The following IMMP2L variants were observed in gnomAD, a reference collection of about 807,000 sequenced individuals.
The protein encoded by IMMP2L is inner mitochondrial membrane peptidase subunit 2.
Under a neutral mutation model 19.3 loss-of-function variants are expected in IMMP2L, and 18 were observed. The ratio of observed to expected loss-of-function variants is 0.93; its 90% CI spans 0.64 to 1.38. IMMP2L has a LOEUF of 1.38. Ranked by LOEUF, IMMP2L falls within the 40% of genes most tolerant of loss-of-function variation. IMMP2L has a pLI of 0.00. For missense variants in IMMP2L, 233 were observed against 218.2 expected (o/e 1.07, Z -0.43); for synonymous variants, 76 against 73.0 (o/e 1.04, Z -0.21).
intron 4 of IMMP2L, among the ~76,000 whole-genome samples, chr7:110,887,236 A>G (rs775376767): frequency 7.2e-5 from 11 of 152,160 alleles, no homozygotes; most frequent in Non-Finnish European, 1.0e-4. Flanking sequence ...AACTATCAGT[A>G]TCAGTTGAAA....
intron 3 of IMMP2L, among the ~76,000 whole-genome samples, chr7:111,357,470 C>T (rs1828831686): frequency 6.6e-6 from 1 of 152,172 alleles, no homozygotes; most frequent in East Asian, 1.9e-4. Context: ...ACCATAAATG[C>T]AGTTAAAACC....
chr7:110,875,994 G>C lies in IMMP2L; in HGVS notation c.408+10599C>G, dbSNP rs192421990. 5.0e-4 allele frequency among the ~76,000 whole-genome samples: 76 copies of C among 152,178 alleles called. 1 individual carries two copies. The highest frequency in any genetic ancestry group is 1.8e-3 in the African/African-American group (74 of 41,548). On this transcript the variant is annotated intron_variant, in intron 5 of 5. Transcript: ENST00000405709. ...TTTAAAGGGGAGATGAATGTAACTTGAAAGTAGTGTGAACATTCTATATCA... is the reference window on the plus strand; with the variant it reads ...TTTAAAGGGGAGATGAATGTAACTTCAAAGTAGTGTGAACATTCTATATCA...
intron 3 of IMMP2L, chr7:111,394,782 C>A (rs560822908): frequency 3.7e-5 from 7 of 187,736 alleles, no homozygotes; most frequent in Admixed American, 9.8e-5. Flanking sequence ...TAAAAGATAA[C>A]TCTAATCGAT....
chr7:110,965,566 T>C (rs1286711627), intron 3 of IMMP2L, among the ~76,000 whole-genome samples: 2 of 152,014 alleles, frequency 1.3e-5, no homozygotes, highest in African/African-American at 2.4e-5. Context: ...AACTTTAATG[T>C]CATTAATGTA....
At chr7:111,382,111 T>C (rs1366510175) in intron 3 of IMMP2L, among the ~76,000 whole-genome samples, 4 of 150,702 alleles carry the variant, frequency 2.7e-5, no homozygotes, top group South Asian at 4.2e-4. Flanking sequence ...CCAGGAGAGG[T>C]TGTAGAGTGA....
chr7:111,293,660 T>C (rs1345149945), intron 3 of IMMP2L, among the ~76,000 whole-genome samples: 1 of 152,000 alleles, frequency 6.6e-6, no homozygotes, highest in Non-Finnish European at 1.5e-5. Context: ...TTCTATGTAA[T>C]GTAATCTTAG....
intron 5 of IMMP2L, among the ~76,000 whole-genome samples, chr7:110,832,895 G>A (rs1403959170): frequency 6.6e-6 from 1 of 152,126 alleles, no homozygotes; most frequent in Non-Finnish European, 1.5e-5. Flanking sequence ...TAGGTAACCA[G>A]GCCAGTAGGA....
intron 3 of IMMP2L, among the ~76,000 whole-genome samples, chr7:111,037,335 G>A (rs1012671184): frequency 1.3e-5 from 2 of 152,108 alleles, no homozygotes; most frequent in African/African-American, 2.4e-5. Flanking sequence ...GACTGGGAAT[G>A]CAACCGATAA....
chr7:111,256,868 C>CA (rs1363206699), intron 3 of IMMP2L, among the ~76,000 whole-genome samples: 6 of 151,964 alleles, frequency 3.9e-5, no homozygotes. Context: ...AACGCAAAGG[C>CA]AAGAAGCAGT....
chr7:111,536,603 C>T (rs1001513868), intron 1 of IMMP2L, among the ~76,000 whole-genome samples: 3 of 151,954 alleles, frequency 2.0e-5, no homozygotes, highest in East Asian at 1.9e-4. Flanking sequence ...TACTGTGCTC[C>T]GCCTAAAATA....
At chr7:110,809,958 T>C (rs73716440) in intron 5 of IMMP2L, among the ~76,000 whole-genome samples, 12,034 of 152,096 alleles carry the variant, frequency 0.079, 553 homozygotes, top group Admixed American at 0.12. Flanking sequence ...AGCAGTAGCT[T>C]TGCATTATGA....
At chr7:110,955,445 T>C (rs557573574) in intron 4 of IMMP2L, among the ~76,000 whole-genome samples, 5 of 151,998 alleles carry the variant, frequency 3.3e-5, no homozygotes, top group African/African-American at 9.6e-5. Context: ...AACTAAACCC[T>C]TGTACAGAGC....
At chr7:111,256,199 A>G (rs573550450) in intron 3 of IMMP2L, among the ~76,000 whole-genome samples, 35 of 152,148 alleles carry the variant, frequency 2.3e-4, no homozygotes, top group Non-Finnish European at 3.7e-4. Context: ...TGCTATGCTA[A>G]TTAGGTTTAT....
At chr7:110,990,426 C>A (rs1239220641) in intron 3 of IMMP2L, among the ~76,000 whole-genome samples, 1 of 152,154 alleles carries the variant, frequency 6.6e-6, no homozygotes, top group African/African-American at 2.4e-5. Context: ...ATCACCCCTG[C>A]TGTACTCAGA....
chr7:110,966,518 T>G (rs1819562942), intron 3 of IMMP2L, among the ~76,000 whole-genome samples: 1 of 152,034 alleles, frequency 6.6e-6, no homozygotes, highest in South Asian at 2.1e-4. Context: ...GCCAACAATG[T>G]TTAAGCTTTT....
Position 110,924,573 on chromosome 7 carries a change from G to A in IMMP2L, c.306-37878C>T, listed in dbSNP as rs888861109. ...ATGTAAATAAAGGGCAGATAATAAC[G>A]TCCTCACTAGGAAACAGGATTCTCA... is the stretch of plus-strand genomic sequence containing the variant. On this transcript the variant is annotated intron_variant, in intron 4 of 5. Transcript: ENST00000405709. This position sits in a 1 kb window ranked among gnomAD's most constrained non-coding sequence, Gnocchi z 4.2. Among the ~76,000 whole-genome samples the A allele has an allele frequency of 3.3e-5, 5 of 152,056 alleles. No individual in the cohort carries two copies. The highest frequency in any genetic ancestry group is 2.1e-4 in the South Asian group (1 of 4,822).
At chr7:111,371,904 C>T (rs1442879979) in intron 3 of IMMP2L, among the ~76,000 whole-genome samples, 14 of 152,106 alleles carry the variant, frequency 9.2e-5, no homozygotes, top group East Asian at 1.9e-4. Flanking sequence ...GCATCAAACA[C>T]GCACTTCAAA....
At chr7:111,203,444 T>C (rs1177109890) in intron 3 of IMMP2L, among the ~76,000 whole-genome samples, 1 of 152,046 alleles carries the variant, frequency 6.6e-6, no homozygotes, top group Non-Finnish European at 1.5e-5. Flanking sequence ...ATACAGATTA[T>C]TGGGGAAGGT....
At chr7:110,785,759 A>T (rs1211864691) in intron 5 of IMMP2L, among the ~76,000 whole-genome samples, 1 of 151,994 alleles carries the variant, frequency 6.6e-6, no homozygotes, top group Non-Finnish European at 1.5e-5. Flanking sequence ...AGGCTATATC[A>T]TCATATAATT....
Sources: gnomAD v4.1 joint callset for allele counts (sites outside exome capture counted in the v4.1 genomes callset) on GRCh38, gnomAD v4.1.1 for gene constraint, Gnocchi (gnomAD v3.1) non-coding constraint, MANE v1.5 for transcripts, NCBI Gene and HGNC (gene_info 2026-07-23, HGNC 2026-07-21) for gene names.